The following DCC variants were observed in gnomAD, a reference collection of about 807,000 sequenced individuals.
DCC encodes the protein DCC netrin 1 receptor.
DCC carries 58 observed loss-of-function variants against 172.5 expected under a neutral mutation model. The ratio of observed to expected loss-of-function variants is 0.34; its 90% confidence interval spans 0.27 to 0.42. The LOEUF (loss-of-function observed/expected upper bound fraction) is 0.42. Ranked by LOEUF, DCC falls within the 10% of genes least tolerant of loss-of-function variation. The probability of loss-of-function intolerance (pLI) is 1.00; values close to 1 mark genes in which losing one functional copy is unlikely to be tolerated. For missense variants in DCC, 1,740 were observed against 1,791.0 expected (o/e 0.97, Z 0.51); for synonymous variants, 709 against 644.5 (o/e 1.10, Z -1.52).
At chr18:52,383,835 T>C (rs1419235482) in intron 1 of DCC, among the ~76,000 whole-genome samples, 2 of 152,062 alleles carry the variant, frequency 1.3e-5, no homozygotes, top group African/African-American at 4.8e-5. Context: ...TTCTATACAT[T>C]TACCACAGAA....
intron 7 of DCC, among the ~76,000 whole-genome samples, chr18:53,071,174 A>G (rs1177589947): frequency 2.0e-5 from 3 of 152,228 alleles, no homozygotes; most frequent in East Asian, 3.8e-4. Context: ...GGATATTTAC[A>G]TAAGCCTAAT....
intron 1 of DCC, among the ~76,000 whole-genome samples, chr18:52,566,993 T>C (rs181089283): frequency 1.3e-5 from 2 of 152,312 alleles, no homozygotes; most frequent in Admixed American, 1.3e-4. Flanking sequence ...TTTTCATGCA[T>C]TTATAGTGAA....
chr18:52,991,203 A>T (rs2041384431), intron 5 of DCC, among the ~76,000 whole-genome samples: 1 of 152,184 alleles, frequency 6.6e-6, no homozygotes, highest in Non-Finnish European at 1.5e-5. Flanking sequence ...GGCATATAGC[A>T]GCACAGTTTA....
intron 1 of DCC, among the ~76,000 whole-genome samples, chr18:52,351,982 G>C (rs1457123628): frequency 6.6e-6 from 1 of 152,052 alleles, no homozygotes; most frequent in East Asian, 1.9e-4. Context: ...GTGGTCTTTG[G>C]TCTCGATAAG....
chr18:53,427,845 A>AT (rs1911083749), intron 21 of DCC, among the ~76,000 whole-genome samples: 1 of 126,848 alleles, frequency 7.9e-6, no homozygotes. Flanking sequence ...TATAATATAT[A>AT]TATTTCTTTT....
At chr18:52,509,803 A>G (rs942464644) in intron 1 of DCC, among the ~76,000 whole-genome samples, 2 of 152,094 alleles carry the variant, frequency 1.3e-5, no homozygotes, top group South Asian at 4.1e-4. Context: ...CCCTCTCTTG[A>G]TTAAGTCTAG....
At chr18:52,926,365 C>G (rs556294482) in intron 5 of DCC, among the ~76,000 whole-genome samples, 29 of 151,826 alleles carry the variant, frequency 1.9e-4, no homozygotes, top group Non-Finnish European at 3.8e-4. Context: ...GTTGCTTGTT[C>G]TTTGATCAAA....
intron 5 of DCC, among the ~76,000 whole-genome samples, chr18:52,949,216 T>C (rs943480044): frequency 1.3e-5 from 2 of 152,204 alleles, no homozygotes; most frequent in African/African-American, 4.8e-5. Flanking sequence ...TGTCAGCAAC[T>C]TGAGAGGCTG....
intron 1 of DCC, among the ~76,000 whole-genome samples, chr18:52,711,756 T>A (rs560530922): frequency 2.0e-5 from 3 of 152,202 alleles, no homozygotes; most frequent in Non-Finnish European, 4.4e-5. Flanking sequence ...GGGAAAGATG[T>A]CATCTTTGTG....
At chr18:53,358,214 C>G (rs1230991434) in intron 15 of DCC, among the ~76,000 whole-genome samples, 1 of 151,790 alleles carries the variant, frequency 6.6e-6, no homozygotes, top group Non-Finnish European at 1.5e-5. Flanking sequence ...TGTTTCGGTG[C>G]TTTTATTTTA....
At chr18:52,556,564 G>A (rs1446954896) in intron 1 of DCC, among the ~76,000 whole-genome samples, 1 of 152,034 alleles carries the variant, frequency 6.6e-6, no homozygotes, top group Non-Finnish European at 1.5e-5. Context: ...TCATGCAAGG[G>A]CAGAACTCAT....
At chr18:53,456,301 A>G (rs1311156869) in intron 23 of DCC, among the ~76,000 whole-genome samples, 1 of 152,200 alleles carries the variant, frequency 6.6e-6, no homozygotes, top group East Asian at 1.9e-4. Flanking sequence ...GCACCTGACC[A>G]TGCTGTCAAA....
At chr18:52,545,949 G>A (rs986740459) in intron 1 of DCC, among the ~76,000 whole-genome samples, 4 of 152,158 alleles carry the variant, frequency 2.6e-5, no homozygotes, top group African/African-American at 9.7e-5. Context: ...GCAGTCAGGA[G>A]TAAAGAAATT....
intron 1 of DCC, among the ~76,000 whole-genome samples, chr18:52,375,225 CTT>C (rs1985296990): frequency 6.6e-6 from 1 of 152,088 alleles, no homozygotes; most frequent in Non-Finnish European, 1.5e-5. Context: ...TTGTGAATCT[CTT>C]TACTATGAGA....
At chr18:52,589,556 A>G (rs2144793937) in intron 1 of DCC, among the ~76,000 whole-genome samples, 1 of 152,344 alleles carries the variant, frequency 6.6e-6, no homozygotes, top group African/African-American at 2.4e-5. Flanking sequence ...GCAGAGAGGG[A>G]AGAGCCAGCC....
At chr18:53,464,906 G>A (rs1254801030) in intron 24 of DCC, among the ~76,000 whole-genome samples, 1 of 149,582 alleles carries the variant, frequency 6.7e-6, no homozygotes, top group Non-Finnish European at 1.5e-5. Flanking sequence ...TTGAACCTTG[G>A]AGGCAGAGGT....
chr18:52,447,409 C>T (rs997360766), intron 1 of DCC, among the ~76,000 whole-genome samples: 6 of 152,122 alleles, frequency 3.9e-5, no homozygotes, highest in African/African-American at 1.4e-4. Flanking sequence ...TAAGTGCCCA[C>T]AGTGCAGTGG....
At chr18:52,767,549 C>G (rs2037273524) in intron 2 of DCC, among the ~76,000 whole-genome samples, 1 of 152,168 alleles carries the variant, frequency 6.6e-6, no homozygotes, top group Non-Finnish European at 1.5e-5. Flanking sequence ...TTATTTATAA[C>G]TGGCTTAGAC....
chr18:52,382,104 C>T lies in DCC; in HGVS notation c.91+41226C>T, dbSNP rs186758733. On this transcript the variant is annotated intron_variant, in intron 1 of 28. Coordinates refer to ENST00000442544, the MANE Select transcript of DCC (RefSeq NM_005215.4). The stretch of plus-strand genomic sequence containing the variant: ...TGCACACATGTACATTTTCATCTAA[C>T]ATACATTGAATGGTGTTCTGTGCTA... Among the ~76,000 whole-genome samples, 13 of 152,238 alleles carry T rather than the reference C, an allele frequency of 8.5e-5. 1 individual carries two copies. The East Asian group carries it at 2.5e-3, about 29-fold the overall frequency.
Sources: gnomAD v4.1 joint callset for allele counts (sites outside exome capture counted in the v4.1 genomes callset) on GRCh38, gnomAD v4.1.1 for gene constraint, MANE v1.5 for transcripts, NCBI Gene and HGNC (gene_info 2026-07-23, HGNC 2026-07-21) for gene names.